The following COL5A1 variants were observed in gnomAD, a reference collection of about 807,000 sequenced individuals.
The protein encoded by COL5A1 is collagen alpha-1(V) chain.
Under a neutral mutation model 263.7 loss-of-function variants are expected in COL5A1, and 16 were observed. The observed-to-expected ratio is 0.06, with a 90% confidence interval of 0.04 to 0.09. The LOEUF is 0.09. COL5A1 is among the 10% of genes least tolerant of loss of function. The pLI is 1.00. For missense variants in COL5A1, 2,036 were observed against 2,540.5 expected (o/e 0.80, Z 4.27); for synonymous variants, 1,012 against 1,004.5 (o/e 1.01, Z -0.14).
intron 19 of COL5A1, among the ~76,000 whole-genome samples, chr9:134,763,019 C>A (rs942925378): frequency 6.6e-6 from 1 of 152,032 alleles, no homozygotes; most frequent in Non-Finnish European, 1.5e-5. Context: ...TATGCATGTG[C>A]ATGCACAGGG....
rs747656987 is a variant in COL5A1, at chr9:134,842,254, C to T, written c.5468C>T (p.Ala1823Val). 92 of 1,614,082 alleles carry T rather than the reference C, an allele frequency of 5.7e-5. No homozygotes were observed. Among genetic ancestry groups the T allele is most frequent in the Non-Finnish European group, 7.4e-5 (87 of 1,180,036 alleles). The change falls in exon 66 of 66, where the codon GCG (alanine) becomes GTG (valine). Residue 1823 changes from alanine (A) to valine (V), a missense_variant. Around this residue, in one of 3 missense-constraint regions of COL5A1, gnomAD observed 358 missense variants for 384.6 expected, o/e 0.93. Transcript: ENST00000371817. The surrounding 1 kb of genome is among the most constrained non-coding windows in gnomAD (Gnocchi z 5.8). ...VDIMFNDFGE[A>V]SQKFGFEVGP... ...ATCATGTTCAATGACTTCGGTGAAG[C>T]GTCACAGAAATTTGGATTTGAAGTG...
At position 134,785,805 on chromosome 9, in the gene COL5A1, T is replaced by C. The variant is rs1231867125; in HGVS notation, c.2593-190T>C. On this transcript the variant is annotated intron_variant, in intron 30 of 65. Coordinates refer to ENST00000371817, the MANE Select transcript of COL5A1 (RefSeq NM_000093.5). ...CAGGGACCATCGGGTACCCCCTGGA[T>C]TTCATGGGTGCTGGCAGTCACCCTC... Among the ~76,000 whole-genome samples the C allele has an allele frequency of 3.3e-5, 5 of 152,100 alleles. No individual in the cohort carries two copies. In the East Asian group the frequency reaches 7.7e-4, roughly 23 times the overall value.
intron 63 of COL5A1, among the ~76,000 whole-genome samples, chr9:134,827,494 G>A (rs1254880511): frequency 6.6e-6 from 1 of 152,226 alleles, no homozygotes; most frequent in Non-Finnish European, 1.5e-5. Context: ...GCCCCGCGTG[G>A]AATTCCCTTA....
chr9:134,689,878 T>C (rs914033231), intron 1 of COL5A1, among the ~76,000 whole-genome samples: 2 of 152,154 alleles, frequency 1.3e-5, no homozygotes, highest in African/African-American at 4.8e-5. Flanking sequence ...TCGAGTTTAT[T>C]TTCTCTGCCG....
intron 41 of COL5A1, among the ~76,000 whole-genome samples, chr9:134,805,639 C>A (rs1838268929): frequency 6.6e-6 from 1 of 152,166 alleles, no homozygotes; most frequent in Non-Finnish European, 1.5e-5. Context: ...GGCAGGATGG[C>A]CCTCACGATT....
intron 4 of COL5A1, among the ~76,000 whole-genome samples, chr9:134,719,353 G>T (rs1381708333): frequency 2.0e-5 from 3 of 152,342 alleles, no homozygotes; most frequent in African/African-American, 4.8e-5. Context: ...AAACATATGT[G>T]CACAGTACAC....
At chr9:134,788,602 CAGATAGATGGATAGAG>C (rs1246578085) in intron 31 of COL5A1, among the ~76,000 whole-genome samples, 6 of 144,052 alleles carry the variant, frequency 4.2e-5, no homozygotes, top group South Asian at 2.3e-4. Flanking sequence ...GGTGGATAGA[CAGATAGATGGATAGAG>C]AGATAGATGG....
intron 18 of COL5A1, among the ~76,000 whole-genome samples, chr9:134,759,691 CACAT>C (rs1397842943): frequency 8.7e-6 from 1 of 114,800 alleles, no homozygotes; most frequent in Admixed American, 8.9e-5. Flanking sequence ...CACACTCATA[CACAT>C]ATGCACACAT....
intron 9 of COL5A1, among the ~76,000 whole-genome samples, chr9:134,737,622 C>T (rs190581699): frequency 1.2e-4 from 19 of 152,272 alleles, no homozygotes; most frequent in African/African-American, 3.1e-4. Flanking sequence ...CTGACCCTGG[C>T]GTTGCCAGGT....
intron 59 of COL5A1, 85 bp from the exon 60 acceptor site, chr9:134,822,913 G>A (rs1045190269): frequency 8.6e-6 from 13 of 1,509,786 alleles, no homozygotes; most frequent in South Asian, 6.8e-5. Context: ...GGCGAGGGGC[G>A]AGACCAGGCT....
intron 4 of COL5A1, among the ~76,000 whole-genome samples, chr9:134,711,635 T>A (rs1468895939): frequency 2.0e-5 from 3 of 152,052 alleles, no homozygotes; most frequent in Admixed American, 6.6e-5. Context: ...GTCACACAGC[T>A]GGGAACAGTC....
intron 28 of COL5A1, among the ~76,000 whole-genome samples, chr9:134,782,180 G>T (rs769161089): frequency 6.6e-6 from 1 of 151,130 alleles, no homozygotes; most frequent in Non-Finnish European, 1.5e-5. Flanking sequence ...CGCCACCCCC[G>T]GCAACACCCC....
intron 4 of COL5A1, 96 bp downstream of exon 4, chr9:134,701,429 C>A: frequency 7.8e-7 from 1 of 1,278,530 alleles, no homozygotes; most frequent in Non-Finnish European, 1.1e-6. Context: ...CGGGCCGGGA[C>A]CGGCTGGCGG....
intron 4 of COL5A1, among the ~76,000 whole-genome samples, chr9:134,724,286 A>G (rs73568428): frequency 0.045 from 6,866 of 152,310 alleles, 216 homozygotes; most frequent in Non-Finnish European, 0.067. Flanking sequence ...GGAGGACTCT[A>G]CAGCTCTGTG....
chr9:134,796,296 G>C (rs1181620441), intron 34 of COL5A1, 78 bp from the exon 35 acceptor site: 34 of 1,500,820 alleles, frequency 2.3e-5, no homozygotes, highest in Non-Finnish European at 3.0e-5. Context: ...CAGACGTTTT[G>C]ATGACGTTGT....
intron 1 of COL5A1, among the ~76,000 whole-genome samples, chr9:134,688,897 C>T (rs149370803): frequency 2.0e-5 from 3 of 152,160 alleles, no homozygotes; most frequent in African/African-American, 7.2e-5. Flanking sequence ...ATGAGAAATG[C>T]GGCTTCGATT....
intron 11 of COL5A1, among the ~76,000 whole-genome samples, chr9:134,740,976 A>G (rs1835279617): frequency 1.3e-5 from 2 of 151,968 alleles, no homozygotes; most frequent in Admixed American, 1.3e-4. Flanking sequence ...CGGCCTCCCC[A>G]GGGCCCTTCC....
intron 18 of COL5A1, among the ~76,000 whole-genome samples, chr9:134,759,413 A>C (rs111207691): frequency 0.099 from 9,707 of 97,942 alleles, 469 homozygotes; most frequent in African/African-American, 0.24. Context: ...ACCCACACAC[A>C]CCCACACTCA....
chr9:134,808,154 A>T (rs1042004173), intron 42 of COL5A1, among the ~76,000 whole-genome samples: 4 of 152,186 alleles, frequency 2.6e-5, no homozygotes, highest in African/African-American at 9.7e-5. Context: ...GAGGAATGGT[A>T]AGACGAAATA....
Sources: gnomAD v4.1 joint callset for allele counts (sites outside exome capture counted in the v4.1 genomes callset) on GRCh38, gnomAD v4.1.1 for gene constraint, gnomAD v4.1.1 regional missense constraint, Gnocchi (gnomAD v3.1) non-coding constraint, MANE v1.5 for transcripts, NCBI Gene and HGNC (gene_info 2026-07-23, HGNC 2026-07-21) for gene names.